Variants in PTPRK observed in about 807,000 individuals in gnomAD.
PTPRK encodes the protein protein tyrosine phosphatase receptor type K, also known as receptor-type tyrosine-protein phosphatase kappa.
PTPRK carries 75 observed loss-of-function variants against 178.0 expected under a neutral mutation model. The ratio of observed to expected loss-of-function variants is 0.42; its 90% CI spans 0.35 to 0.51. The LOEUF (loss-of-function observed/expected upper bound fraction) is 0.51. PTPRK is among the 20% of genes least tolerant of loss of function. The pLI is 0.02. For synonymous variants in PTPRK, 637 were observed against 620.6 expected, an observed-to-expected ratio of 1.03 and a Z score of -0.39; for missense variants, 1,441 against 1,797.8, an observed-to-expected ratio of 0.80 and a Z score of 3.59.
chr6:128,182,182 T>C (rs1309633454), intron 7 of PTPRK, among the ~76,000 whole-genome samples: 10 of 152,172 alleles, frequency 6.6e-5, no homozygotes, highest in Non-Finnish European at 1.5e-4. Context: ...CCTGAAAGCA[T>C]TTTATGCCAC....
rs982700165 is a variant in PTPRK at position 127,973,568 on chromosome 6, A to C, written c.4133+96T>G. 1.0e-5 allele frequency: 14 copies of C among 1,380,226 alleles called. No homozygotes were observed. In the African/African-American group the frequency reaches 1.9e-4, roughly 19 times the overall value. The allele number at this position is 1,380,226 out of a possible 1,614,324, so 85.5% of individuals were successfully genotyped here. On this transcript the variant is annotated intron_variant, in intron 28 of 29. Transcript: ENST00000368226. ...ACTGTTTAAAAATAACATCTATGGG[A>C]GGTCCATAAGATGCAAGCCAGATAG...
chr6:128,285,071 T>C (rs1045338737), intron 3 of PTPRK, among the ~76,000 whole-genome samples: 3 of 152,182 alleles, frequency 2.0e-5, no homozygotes, highest in Admixed American at 6.5e-5. Context: ...ATACACAATA[T>C]ACTAAGAGGA....
rs766172596 is a variant in PTPRK, at chr6:127,981,099, A to G, written c.3711+17T>C. 8 of 1,609,434 alleles carry G rather than the reference A, an allele frequency of 5.0e-6. No individual in the cohort carries two copies. The highest frequency in any genetic ancestry group is 2.7e-5 in the African/African-American group (2 of 74,848). On this transcript the variant is annotated intron_variant, in intron 25 of 29. Transcript: ENST00000368226. ...TTTCCACAACACTCTACACTAACAA[A>G]GAGGGCAGTCTCTTACGTCCATAAG...
chr6:128,238,353 A>C (rs1016869364), intron 5 of PTPRK, among the ~76,000 whole-genome samples: 1 of 134,692 alleles, frequency 7.4e-6, no homozygotes, highest in Non-Finnish European at 1.6e-5. Flanking sequence ...GAAAGCAAAC[A>C]AAAAAAAAAA....
chr6:128,116,764 G>A (rs1791589601), intron 7 of PTPRK, among the ~76,000 whole-genome samples: 1 of 152,192 alleles, frequency 6.6e-6, no homozygotes, highest in South Asian at 2.1e-4. Flanking sequence ...TAAAATGCAG[G>A]TAGAGAAAAG....
chr6:128,278,837 A>T (rs1821221180), intron 3 of PTPRK, among the ~76,000 whole-genome samples: 1 of 152,208 alleles, frequency 6.6e-6, no homozygotes, highest in African/African-American at 2.4e-5. Flanking sequence ...CAATAAGATA[A>T]AATGTATTAG....
intron 7 of PTPRK, among the ~76,000 whole-genome samples, chr6:128,148,725 T>G (rs1452488891): frequency 6.6e-6 from 1 of 152,152 alleles, no homozygotes; most frequent in Non-Finnish European, 1.5e-5. Context: ...TACATTAGCC[T>G]TTCATTTCTT....
intron 2 of PTPRK, among the ~76,000 whole-genome samples, chr6:128,377,167 T>C (rs1837216491): frequency 6.6e-6 from 1 of 152,204 alleles, no homozygotes. Flanking sequence ...TAGTCCATTT[T>C]CACACTGCTG....
intron 10 of PTPRK, 21 bp downstream of exon 10, chr6:128,082,416 G>C: frequency 6.4e-7 from 1 of 1,565,622 alleles, no homozygotes; most frequent in Non-Finnish European, 8.8e-7. Flanking sequence ...AATCCTATTT[G>C]TAATTTATTC....
intron 2 of PTPRK, among the ~76,000 whole-genome samples, chr6:128,352,338 T>C (rs1047339362): frequency 6.6e-6 from 1 of 151,216 alleles, no homozygotes; most frequent in South Asian, 2.1e-4. Flanking sequence ...CAACTTTAAA[T>C]GTAAAACACT....
chr6:128,518,062 CTT>C (rs1448650442), intron 1 of PTPRK, among the ~76,000 whole-genome samples: 1 of 152,072 alleles, frequency 6.6e-6, no homozygotes, highest in Non-Finnish European at 1.5e-5. Flanking sequence ...ACAAAACAAA[CTT>C]ATAATTTGTG....
At chr6:128,439,973 G>C (rs988963549) in intron 1 of PTPRK, among the ~76,000 whole-genome samples, 4 of 152,146 alleles carry the variant, frequency 2.6e-5, no homozygotes, top group African/African-American at 9.7e-5. Flanking sequence ...GTACCACTGA[G>C]CCTTGAACAA....
intron 3 of PTPRK, among the ~76,000 whole-genome samples, chr6:128,249,596 G>A (rs1424538137): frequency 1.3e-5 from 2 of 152,074 alleles, no homozygotes; most frequent in African/African-American, 4.8e-5. Context: ...GAACAGTTGT[G>A]AGATATTACA....
At chr6:128,006,038 TAAG>T in intron 14 of PTPRK, 2 of 1,569,674 alleles carry the variant, frequency 1.3e-6, no homozygotes, top group Non-Finnish European at 1.7e-6. Flanking sequence ...GTAGTAGGAG[TAAG>T]AATAGTAGCT....
intron 1 of PTPRK, among the ~76,000 whole-genome samples, chr6:128,445,197 TATTTATATATATATATATATATA>T (rs56739735): frequency 0.027 from 3,403 of 126,624 alleles, 75 homozygotes; most frequent in African/African-American, 0.077. Context: ...TCTACTATTT[TATTTATATATATATATATATATA>T]ATTTATATAT....
chr6:127,972,158 A>G (rs1211488012), intron 29 of PTPRK, among the ~76,000 whole-genome samples: 1 of 152,190 alleles, frequency 6.6e-6, no homozygotes, highest in Non-Finnish European at 1.5e-5. Context: ...TTGTGCGAGC[A>G]ATCCATGAGC....
At chr6:128,235,985 CTATTT>C (rs891327807) in intron 5 of PTPRK, among the ~76,000 whole-genome samples, 17 of 152,140 alleles carry the variant, frequency 1.1e-4, no homozygotes, top group African/African-American at 4.1e-4. Flanking sequence ...TATAATTGCT[CTATTT>C]TATTATTGTT....
intron 9 of PTPRK, 114 bp downstream of exon 9, chr6:128,083,601 T>C: frequency 2.1e-6 from 1 of 470,224 alleles, no homozygotes; most frequent in South Asian, 8.6e-5. Context: ...GAGAATGATT[T>C]TAATCCCCTA....
intron 1 of PTPRK, among the ~76,000 whole-genome samples, chr6:128,446,568 T>C (rs1257928912): frequency 6.6e-6 from 1 of 152,206 alleles, no homozygotes; most frequent in African/African-American, 2.4e-5. Flanking sequence ...GTCAATTATG[T>C]GTAAACGAGC....
Sources: allele counts gnomAD v4.1 joint callset (sites outside exome capture counted in the v4.1 genomes callset), GRCh38; gene constraint gnomAD v4.1.1; transcripts MANE v1.5; gene names NCBI Gene and HGNC (gene_info 2026-07-23, HGNC 2026-07-21).